ZNF385D: variants seen among roughly 807,000 people sequenced by gnomAD.
The protein encoded by ZNF385D is zinc finger protein 385D, also known as zinc finger protein 659.
A neutral mutation model predicts 35.8 loss-of-function variants in ZNF385D; 15 were observed. The ratio of observed to expected loss-of-function variants is 0.42; its 90% CI spans 0.28 to 0.64. The LOEUF (loss-of-function observed/expected upper bound fraction) is 0.64. ZNF385D is among the 30% of genes least tolerant of loss of function. The pLI, the probability that ZNF385D is intolerant of heterozygous loss-of-function variation, is 0.23. For missense variants in ZNF385D, 474 were observed against 494.6 expected (o/e 0.96, Z 0.39); for synonymous variants, 212 against 186.8 (o/e 1.13, Z -1.10).
intron 1 of ZNF385D, among the ~76,000 whole-genome samples, chr3:21,686,439 G>C (rs561627462): frequency 3.7e-4 from 56 of 152,246 alleles, no homozygotes; most frequent in Middle Eastern, 3.4e-3. Flanking sequence ...GAGCAATACT[G>C]AACTATCGCA....
At chr3:22,142,511 T>C (rs1256111970) in intron 3 of ZNF385D, among the ~76,000 whole-genome samples, 2 of 152,188 alleles carry the variant, frequency 1.3e-5, no homozygotes, top group Admixed American at 6.5e-5. Flanking sequence ...TTTGTTTGTA[T>C]ACATATTTAT....
chr3:21,426,392 C>A (rs1157139511), intron 5 of ZNF385D, among the ~76,000 whole-genome samples: 2 of 152,240 alleles, frequency 1.3e-5, no homozygotes, highest in African/African-American at 2.4e-5. Context: ...CATCTTCAGG[C>A]CTTCACACAT....
rs148079775 is a variant in ZNF385D, at chr3:21,556,068, G to GTTTTTTTTTTTTTTTT, written c.276+8490_276+8505dup. 2.2e-3 allele frequency among the ~76,000 whole-genome samples: 214 copies of GTTTTTTTTTTTTTTTT among 98,942 alleles called. 1 individual carries two copies. Among genetic ancestry groups the GTTTTTTTTTTTTTTTT allele is most frequent in the Middle Eastern group, 6.8e-3 (1 of 146 alleles). 64.9% of individuals were successfully genotyped at this position (98,942 alleles called of 152,430 possible). On this transcript the variant is annotated intron_variant, in intron 3 of 7. Transcript: ENST00000281523. ...ACTTTTTGACGTTTTTTTTGTTTTT[G>GTTTTTTTTTTTTTTTT]TTTTTTTTTTTTTTTTTTTGTAAAT... is the stretch of plus-strand genomic sequence containing the variant.
chr3:21,572,379 A>G (rs2063361156), intron 2 of ZNF385D, among the ~76,000 whole-genome samples: 1 of 152,160 alleles, frequency 6.6e-6, no homozygotes, highest in Non-Finnish European at 1.5e-5. Flanking sequence ...CTTTCACTTC[A>G]GTTTTCATAT....
At chr3:22,060,458 G>C (rs1166901093) in intron 3 of ZNF385D, among the ~76,000 whole-genome samples, 1 of 152,124 alleles carries the variant, frequency 6.6e-6, no homozygotes, top group Non-Finnish European at 1.5e-5. Context: ...GAAGGGACAG[G>C]AATAGCATAG....
At chr3:21,932,066 C>G (rs1421333475) in intron 3 of ZNF385D, among the ~76,000 whole-genome samples, 2 of 147,326 alleles carry the variant, frequency 1.4e-5, no homozygotes, top group African/African-American at 2.5e-5. Context: ...ACTCGGGAGG[C>G]TGAGGCAGGA....
chr3:21,614,763 A>G (rs2064795774), intron 2 of ZNF385D, among the ~76,000 whole-genome samples: 1 of 152,156 alleles, frequency 6.6e-6, no homozygotes, highest in South Asian at 2.1e-4. Context: ...TAATTTTTCT[A>G]TTTTTAGTAG....
At chr3:22,271,484 C>A (rs1232055681) in intron 2 of ZNF385D, among the ~76,000 whole-genome samples, 1 of 151,798 alleles carries the variant, frequency 6.6e-6, no homozygotes, top group Non-Finnish European at 1.5e-5. Context: ...ATAGATTTCC[C>A]TTGGAGCAAA....
intron 3 of ZNF385D, among the ~76,000 whole-genome samples, chr3:21,908,168 ATC>A (rs1450358056): frequency 9.3e-5 from 14 of 150,844 alleles, no homozygotes; most frequent in African/African-American, 2.9e-4. Flanking sequence ...CTATCTATCT[ATC>A]TATATATGTA....
At chr3:21,687,269 G>C (rs532640698) in intron 1 of ZNF385D, among the ~76,000 whole-genome samples, 2 of 152,294 alleles carry the variant, frequency 1.3e-5, no homozygotes, top group African/African-American at 4.8e-5. Flanking sequence ...AGATAAAATA[G>C]GCAGAGGAAG....
intron 4 of ZNF385D, among the ~76,000 whole-genome samples, chr3:21,445,019 G>A (rs1233849247): frequency 6.6e-6 from 1 of 152,170 alleles, no homozygotes; most frequent in African/African-American, 2.4e-5. Context: ...GGAAGAAGCA[G>A]AGGCTCCTGA....
chr3:22,344,231 T>C (rs974437599), intron 2 of ZNF385D, among the ~76,000 whole-genome samples: 2 of 150,328 alleles, frequency 1.3e-5, no homozygotes, highest in South Asian at 2.1e-4. Context: ...GGAAGTATCA[T>C]AATCCAGTAG....
At chr3:22,090,293 A>G (rs1391307888) in intron 3 of ZNF385D, among the ~76,000 whole-genome samples, 1 of 152,172 alleles carries the variant, frequency 6.6e-6, no homozygotes, top group Non-Finnish European at 1.5e-5. Flanking sequence ...GCTTCTTACT[A>G]CTGGGAAATG....
chr3:22,290,749 C>A (rs190640001), intron 2 of ZNF385D, among the ~76,000 whole-genome samples: 33 of 152,068 alleles, frequency 2.2e-4, no homozygotes, highest in Non-Finnish European at 3.8e-4. Flanking sequence ...ACTTGTTTAT[C>A]TCAGAAGTAA....
At position 21,989,109 on chromosome 3, in the gene ZNF385D, G is replaced by C. The variant is rs562259752; in HGVS notation, c.325+179708C>G. Among the ~76,000 whole-genome samples the C allele has an allele frequency of 5.3e-5, 8 of 152,200 alleles. 1 individual carries two copies. The East Asian group carries it at 1.6e-3, about 30-fold the overall frequency. Reference sequence around the variant, plus strand: ...TCAGATGGAAATGCAGAAATCACCCGTCTTCTGCGTCGCTCACGCTGGGAG... The same window carrying C: ...TCAGATGGAAATGCAGAAATCACCCCTCTTCTGCGTCGCTCACGCTGGGAG... On this transcript the variant is annotated intron_variant, in intron 3 of 5. Transcript: ENST00000494108.
At chr3:21,621,662 C>T (rs2065010613) in intron 2 of ZNF385D, among the ~76,000 whole-genome samples, 1 of 148,198 alleles carries the variant, frequency 6.7e-6, no homozygotes, top group Admixed American at 6.9e-5. Context: ...GTCCACTTGG[C>T]TAATAATGCA....
Position 21,595,656 on chromosome 3 carries a change from A to G in ZNF385D, c.166-30972T>C, listed in dbSNP as rs1160215676. Among the ~76,000 whole-genome samples the G allele has an allele frequency of 2.6e-5, 4 of 152,132 alleles. No homozygotes were observed. The East Asian group carries it at 7.7e-4, about 29-fold the overall frequency. On this transcript the variant is annotated intron_variant, in intron 2 of 7. Transcript: ENST00000281523. ...TTTAATTTTTCTCTTCTATCCCAGG[A>G]CTCCATGTTCAATGTGATCTAGCCA...
chr3:22,263,702 G>C (rs2125348996), intron 2 of ZNF385D, among the ~76,000 whole-genome samples: 1 of 152,048 alleles, frequency 6.6e-6, no homozygotes, highest in East Asian at 2.0e-4. Context: ...GAATTGCCTT[G>C]GTTACTCGAA....
At chr3:21,904,620 C>T (rs1699582475) in intron 3 of ZNF385D, among the ~76,000 whole-genome samples, 1 of 152,024 alleles carries the variant, frequency 6.6e-6, no homozygotes, top group Non-Finnish European at 1.5e-5. Context: ...ATGATATTTC[C>T]AGCCCTAATG....
Sources: allele counts gnomAD v4.1 joint callset (sites outside exome capture counted in the v4.1 genomes callset), GRCh38; gene constraint gnomAD v4.1.1; transcripts MANE v1.5; gene names NCBI Gene and HGNC (gene_info 2026-07-23, HGNC 2026-07-21).